The following GPR139 variants were observed in gnomAD, a reference collection of about 807,000 sequenced individuals.
The protein encoded by GPR139 is G protein-coupled receptor 139.
In GPR139, 12 loss-of-function variants were observed where a neutral mutation model predicts 25.8. That is an observed-to-expected ratio of 0.47 (90% CI 0.30 to 0.75). The LOEUF is 0.75. GPR139 is among the 30% of genes least tolerant of loss of function. GPR139 has a pLI of 0.07. For synonymous variants in GPR139, 184 were observed against 179.9 expected (o/e 1.02, Z -0.18); for missense variants, 380 against 450.2 (o/e 0.84, Z 1.41).
Position 20,030,981 on chromosome 16 carries a change from C to T in GPR139, c.*754G>A, listed in dbSNP as rs958321134. 1.3e-5 allele frequency among the ~76,000 whole-genome samples: 2 copies of T among 151,846 alleles called. No homozygotes were observed. Among genetic ancestry groups the T allele is most frequent in the African/African-American group, 2.4e-5 (1 of 41,188 alleles). On this transcript the variant is annotated 3_prime_UTR_variant, in exon 2 of 2. Coordinates refer to ENST00000570682, the MANE Select transcript of GPR139 (RefSeq NM_001002911.4). ...GCTTATTTTTTTGTTTTTCTGGGCTCGAGAATTCCTCCTTTCCCCCTGCGC... is the reference window on the plus strand; with the variant it reads ...GCTTATTTTTTTGTTTTTCTGGGCTTGAGAATTCCTCCTTTCCCCCTGCGC...
At chr16:20,054,244 A>G (rs1441221286) in intron 1 of GPR139, among the ~76,000 whole-genome samples, 1 of 152,138 alleles carries the variant, frequency 6.6e-6, no homozygotes. Context: ...TGTGCTGAAA[A>G]ACTCAGTATG....
At chr16:20,069,811 TTCA>T (rs1254442671) in intron 1 of GPR139, among the ~76,000 whole-genome samples, 2 of 152,198 alleles carry the variant, frequency 1.3e-5, no homozygotes, top group Non-Finnish European at 2.9e-5. Flanking sequence ...GGGGCTCAAG[TTCA>T]TCATTTTCTC....
At chr16:20,066,054 C>T (rs1056259706) in intron 1 of GPR139, among the ~76,000 whole-genome samples, 2 of 152,144 alleles carry the variant, frequency 1.3e-5, no homozygotes, top group Non-Finnish European at 2.9e-5. Flanking sequence ...AGGAGAGCCA[C>T]AGCCTTTCAG....
Position 20,073,877 on chromosome 16 carries a change from C to G in GPR139, c.-261G>C, listed in dbSNP as rs1405371797. On this transcript the variant is annotated 5_prime_UTR_variant, in exon 1 of 2. Transcript: ENST00000570682. The surrounding 1 kb of genome is among the most constrained non-coding windows in gnomAD (Gnocchi z 4.7). ...TGCGCGGGGCCTCGGGAGGGGCTCCCGGAGCCCGTCTGTGCGCCTCCCACC... is the reference window on the plus strand; with the variant it reads ...TGCGCGGGGCCTCGGGAGGGGCTCCGGGAGCCCGTCTGTGCGCCTCCCACC... The G allele has an allele frequency of 1.2e-5, 5 of 415,964 alleles. No individual in the cohort carries two copies. The East Asian group carries it at 1.8e-4, about 15-fold the overall frequency. The allele number at this position is 415,964 out of a possible 1,614,324, so 25.8% of individuals were successfully genotyped here. A position where few individuals can be genotyped will look rare whatever the true frequency, so the allele number is the denominator to read the frequency against.
At chr16:20,039,853 G>T (rs1442735835) in intron 1 of GPR139, among the ~76,000 whole-genome samples, 1 of 152,122 alleles carries the variant, frequency 6.6e-6, no homozygotes, top group Non-Finnish European at 1.5e-5. Context: ...ATGCCCCCTG[G>T]TACACATGCC....
rs769710864 is a variant in GPR139 at position 20,032,251 on chromosome 16, G to T, written c.546C>A (p.Val182=). Residue 182 remains valine (V), a synonymous_variant, in exon 2 of 2, where the codon GTC becomes GTA. Coordinates refer to ENST00000570682, the MANE Select transcript of GPR139 (RefSeq NM_001002911.4). ...EDYISTSVHH[V]LIWIHCFTVY... is the part of the protein sequence containing the mutation. The stretch of plus-strand genomic sequence containing the variant: ...CGGTGAAGCAGTGGATCCAGATGAG[G>T]ACGTGATGCACAGAGGTGCTGATGT... 3.1e-6 allele frequency: 5 copies of T among 1,614,184 alleles called. No homozygotes were observed. In the South Asian group the frequency reaches 4.4e-5, roughly 14 times the overall value.
rs1820241093 is a variant in GPR139 at position 20,032,648 on chromosome 16, A to T, written c.149T>A (p.Ile50Asn). The change falls in exon 2 of 2, where the codon ATC (isoleucine) becomes AAC (asparagine). Residue 50 changes from isoleucine to asparagine, a missense_variant. Transcript: ENST00000570682. Reference protein sequence around the residue: ...GLPANILTVIILSQLVARRQK... With the variant: ...GLPANILTVINLSQLVARRQK... The stretch of plus-strand genomic sequence containing the variant: ...TCTTCTTGCCACCAGCTGGGAGAGG[A>T]TGATCACTGTCAAGATATTTGCTGT... The T allele has an allele frequency of 6.2e-7, 1 of 1,607,922 alleles. No individual in the cohort carries two copies. The highest frequency in any genetic ancestry group is 8.5e-7 in the Non-Finnish European group (1 of 1,174,838).
intron 1 of GPR139, among the ~76,000 whole-genome samples, chr16:20,069,212 A>C (rs1319385340): frequency 6.7e-6 from 1 of 148,854 alleles, no homozygotes; most frequent in African/African-American, 2.5e-5. Flanking sequence ...CATTGTGCTC[A>C]GTGCTTAGCC....
At chr16:20,051,155 A>T (rs2057370632) in intron 1 of GPR139, among the ~76,000 whole-genome samples, 1 of 152,186 alleles carries the variant, frequency 6.6e-6, no homozygotes, top group South Asian at 2.1e-4. Flanking sequence ...GAAGGGACAC[A>T]AGGTGGGAGG....
At position 20,031,765 on chromosome 16, in the gene GPR139, T is replaced by G; in HGVS notation, c.1032A>C (p.Lys344Asn). ...CIKMLVYQYD[K>N]NGKPIKVSP ...GGGATACTTTTATAGGTTTTCCATT[T>G]TTGTCATACTGGTACACCAGCATCT... The change falls in exon 2 of 2, where the codon AAA becomes AAC. Residue 344 changes from lysine (K) to asparagine (N), a missense_variant. By Grantham distance (94) the Lys-to-Asn change is moderately conservative. Transcript: ENST00000570682. 6.2e-7 allele frequency: 1 copy of G among 1,614,168 alleles called. No individual in the cohort carries two copies. The highest frequency in any genetic ancestry group is 2.2e-5 in the East Asian group (1 of 44,884).
At chr16:20,037,052 A>G (rs2057312412) in intron 1 of GPR139, among the ~76,000 whole-genome samples, 1 of 152,216 alleles carries the variant, frequency 6.6e-6, no homozygotes, top group Admixed American at 6.5e-5. Context: ...CAAATGCACA[A>G]CAGAATGTCA....
intron 1 of GPR139, among the ~76,000 whole-genome samples, chr16:20,037,318 G>C (rs770730300): frequency 3.9e-5 from 6 of 152,020 alleles, no homozygotes; most frequent in Non-Finnish European, 5.9e-5. Context: ...CAGGCGTGGT[G>C]GTGGGTGCCT....
rs764200611 is a variant in GPR139 at position 20,031,996 on chromosome 16, G to A, written c.801C>T (p.Ser267=). ...GAAGGGCTAGCATGTTGGCAATGTC[G>A]GACATGATGTGTACCAGCCAGCGGT... ...IQNRWLVHIM[S]DIANMLALLN... The change falls in exon 2 of 2, where the codon TCC becomes TCT. Residue 267 remains serine (S), a synonymous_variant. Transcript: ENST00000570682. The A allele has an allele frequency of 1.1e-5, 18 of 1,614,062 alleles. No individual in the cohort carries two copies. Among genetic ancestry groups the A allele is most frequent in the South Asian group, 4.4e-5 (4 of 91,082 alleles).
At chr16:20,038,546 T>C (rs2057319426) in intron 1 of GPR139, among the ~76,000 whole-genome samples, 1 of 152,122 alleles carries the variant, frequency 6.6e-6, no homozygotes, top group Admixed American at 6.6e-5. Context: ...GTATTCATAT[T>C]TGACATTTCC....
At position 20,073,533 on chromosome 16, in the gene GPR139, C is replaced by A. The variant is rs2057468476; in HGVS notation, c.84G>T (p.Val28=). 1 of 1,609,108 alleles carries A rather than the reference C, an allele frequency of 6.2e-7. No individual in the cohort carries two copies. Among genetic ancestry groups the A allele is most frequent in the Non-Finnish European group, 8.5e-7 (1 of 1,178,054 alleles). ...GCAAGAGGCTGTAGTAGACCACGGG[C>A]ACGAAACCCAAGCCGCAGGCCGAGC... is the stretch of plus-strand genomic sequence containing the variant. The part of the protein sequence containing the change: ...SPGSACGLGF[V]PVVYYSLLLC... Residue 28 remains valine (V), a synonymous_variant, in exon 1 of 2, where the codon GTG becomes GTT. Coordinates refer to ENST00000570682, the MANE Select transcript of GPR139 (RefSeq NM_001002911.4). The surrounding 1 kb of genome is among the most constrained non-coding windows in gnomAD (Gnocchi z 4.7).
chr16:20,056,506 C>T (rs546735427), intron 1 of GPR139, among the ~76,000 whole-genome samples: 1 of 152,254 alleles, frequency 6.6e-6, no homozygotes, highest in South Asian at 2.1e-4. Context: ...GGTTTGAGAT[C>T]CAAGAATGTA....
At chr16:20,039,954 T>C (rs1470754669) in intron 1 of GPR139, among the ~76,000 whole-genome samples, 1 of 152,220 alleles carries the variant, frequency 6.6e-6, no homozygotes, top group Non-Finnish European at 1.5e-5. Context: ...GCATGACTTC[T>C]AAGGTTAGGT....
At chr16:20,058,432 G>T (rs888671763) in intron 1 of GPR139, among the ~76,000 whole-genome samples, 1 of 152,086 alleles carries the variant, frequency 6.6e-6, no homozygotes, top group South Asian at 2.1e-4. Flanking sequence ...GCAAGGCAGG[G>T]AACAGAAGCG....
intron 1 of GPR139, among the ~76,000 whole-genome samples, chr16:20,066,279 C>A (rs775217514): frequency 4.1e-4 from 62 of 152,326 alleles, no homozygotes; most frequent in Non-Finnish European, 7.6e-4. Flanking sequence ...GTGGCAGGAC[C>A]CTTTCTGTTC....
Sources: allele counts gnomAD v4.1 joint callset (sites outside exome capture counted in the v4.1 genomes callset), GRCh38; gene constraint gnomAD v4.1.1; non-coding constraint Gnocchi (gnomAD v3.1); transcripts MANE v1.5; gene names NCBI Gene and HGNC (gene_info 2026-07-23, HGNC 2026-07-21).